Variants in CUL4A observed in about 807,000 individuals in gnomAD.
CUL4A encodes cullin-4A.
A neutral mutation model predicts 95.5 loss-of-function variants in CUL4A; 16 were observed. The observed-to-expected ratio is 0.17, with a 90% confidence interval of 0.11 to 0.25. The LOEUF is 0.25. Among genes scored for constraint, CUL4A ranks in the 10% least tolerant of loss-of-function variants. The pLI is 1.00. For missense variants in CUL4A, 610 were observed against 937.0 expected, an observed-to-expected ratio of 0.65 and a Z score of 4.56; for synonymous variants, 380 against 353.1, an observed-to-expected ratio of 1.08 and a Z score of -0.85.
In CUL4A at chr13:113,263,583, C is replaced by G; in HGVS notation, c.*1C>G. 6.4e-7 allele frequency: 1 copy of G among 1,569,906 alleles called. No individual in the cohort carries two copies. Among genetic ancestry groups the G allele is most frequent in the East Asian group, 2.4e-5 (1 of 42,350 alleles). The stretch of plus-strand genomic sequence containing the variant: ...GAATCAGTACCACTACGTGGCCTGA[C>G]GCATCTGCAGACGGTTCCCCTTCAT... On this transcript the variant is annotated 3_prime_UTR_variant, in exon 20 of 20. Coordinates refer to ENST00000375440, the MANE Select transcript of CUL4A (RefSeq NM_001008895.4).
At chr13:113,214,104 C>T (rs1015317745) in intron 2 of CUL4A, among the ~76,000 whole-genome samples, 14 of 152,204 alleles carry the variant, frequency 9.2e-5, no homozygotes, top group Admixed American at 9.2e-4. Context: ...CCAATTCTCA[C>T]CCAAGTTTGA....
At position 113,242,959 on chromosome 13, in the gene CUL4A, C is replaced by T. The variant is rs762807212; in HGVS notation, c.1036-9C>T. On this transcript the variant is annotated splice_polypyrimidine_tract_variant and intron_variant, in intron 10 of 19. Transcript: ENST00000375440. Reference sequence around the variant, plus strand: ...ATGTTGCTGAGTTGGTATTGATTTGCTTTTGTAGACTTTTGGAACAGCGAT... The same window carrying T: ...ATGTTGCTGAGTTGGTATTGATTTGTTTTTGTAGACTTTTGGAACAGCGAT... 6.3e-7 allele frequency: 1 copy of T among 1,595,972 alleles called. No individual in the cohort carries two copies. Among genetic ancestry groups the T allele is most frequent in the East Asian group, 2.3e-5 (1 of 44,442 alleles).
intron 19 of CUL4A, among the ~76,000 whole-genome samples, 177 bp downstream of exon 19, chr13:113,260,936 G>A (rs1203718039): frequency 2.0e-5 from 3 of 152,120 alleles, no homozygotes; most frequent in Non-Finnish European, 2.9e-5. Flanking sequence ...GTTGCTCATT[G>A]CCACTGCAGA....
At position 113,260,203 on chromosome 13, in the gene CUL4A, C is replaced by CA. The variant is rs71101559; in HGVS notation, c.2032-388dup. Among the ~76,000 whole-genome samples, 158 of 12,526 alleles carry CA rather than the reference C, an allele frequency of 0.013. 51 individuals carry two copies. The East Asian group carries it at 0.23, about 18-fold the overall frequency. The allele number at this position is 12,526 out of a possible 152,430, so 8.2% of individuals were successfully genotyped here. A position where few individuals can be genotyped will look rare whatever the true frequency, so the allele number is the denominator to read the frequency against. On this transcript the variant is annotated intron_variant, in intron 18 of 19. Coordinates refer to ENST00000375440, the MANE Select transcript of CUL4A (RefSeq NM_001008895.4). ...TGGGTGACAGAGTGAGACTCCGTCT[C>CA]AAAAAAAAAAAAAAAACCATTTCCC...
intron 2 of CUL4A, among the ~76,000 whole-genome samples, chr13:113,216,418 A>G (rs1322449862): frequency 6.6e-6 from 1 of 152,228 alleles, no homozygotes; most frequent in South Asian, 2.1e-4. Flanking sequence ...TGAACCTGCT[A>G]GTTAGGAAGT....
intron 15 of CUL4A, among the ~76,000 whole-genome samples, chr13:113,249,819 G>A (rs554535028): frequency 6.4e-4 from 97 of 152,250 alleles, no homozygotes; most frequent in African/African-American, 2.3e-3. Flanking sequence ...TCATCTTGCC[G>A]TGATTTGCAT....
In CUL4A at chr13:113,265,005, T is replaced by C. The variant is rs2042374055; in HGVS notation, c.*1423T>C. ...AGATTGTTAATATTGTAATTTAATGTAGACTTACTTTGAATAAAATTAGTT... is the reference window on the plus strand; with the variant it reads ...AGATTGTTAATATTGTAATTTAATGCAGACTTACTTTGAATAAAATTAGTT... On this transcript the variant is annotated 3_prime_UTR_variant, in exon 20 of 20. Transcript: ENST00000375440. 1 of 152,262 alleles carries C rather than the reference T, an allele frequency of 6.6e-6. No homozygotes were observed. The highest frequency in any genetic ancestry group is 2.4e-5 in the African/African-American group (1 of 41,480). The allele number at this position is 152,262 out of a possible 1,614,324, so 9.4% of individuals were successfully genotyped here.
intron 3 of CUL4A, among the ~76,000 whole-genome samples, chr13:113,224,231 T>C (rs1439247155): frequency 1.3e-5 from 2 of 152,032 alleles, no homozygotes; most frequent in African/African-American, 4.8e-5. Flanking sequence ...CGGGCACCTG[T>C]AGTCCCAGCT....
chr13:113,225,042 T>TC (rs2041050540), intron 3 of CUL4A, among the ~76,000 whole-genome samples: 2 of 152,220 alleles, frequency 1.3e-5, no homozygotes, highest in Admixed American at 6.5e-5. Flanking sequence ...TTTTTCTTTT[T>TC]TTTTTTAGTT....
At chr13:113,228,099 C>A in intron 4 of CUL4A, 54 bp downstream of exon 4, 1 of 1,315,246 alleles carries the variant, frequency 7.6e-7, no homozygotes, top group Non-Finnish European at 1.1e-6. Flanking sequence ...TTCCCTCACC[C>A]ACATGATTGA....
chr13:113,212,953 T>G (rs1373536145), intron 2 of CUL4A, among the ~76,000 whole-genome samples: 2 of 152,224 alleles, frequency 1.3e-5, no homozygotes, highest in African/African-American at 4.8e-5. Context: ...TTCATACATT[T>G]GCACAGGTTT....
At chr13:113,239,928 C>T (rs1390060907) in intron 10 of CUL4A, among the ~76,000 whole-genome samples, 3 of 152,194 alleles carry the variant, frequency 2.0e-5, no homozygotes, top group East Asian at 3.8e-4. Context: ...TCAGGGAGAA[C>T]TATTATATAT....
At position 113,233,216 on chromosome 13, in the gene CUL4A, T is replaced by G. The variant is rs774717751; in HGVS notation, c.552T>G (p.Ser184Arg). ...GLELFRTHII[S>R]DKMVQSKTID... ...AACTGTTTAGAACCCATATTATTAGTGATAAAATGGTTCAGAGTAAAACCA... is the reference window on the plus strand; with the variant it reads ...AACTGTTTAGAACCCATATTATTAGGGATAAAATGGTTCAGAGTAAAACCA... Residue 184 changes from serine (S) to arginine (R), a missense_variant, in exon 6 of 20, where the codon AGT becomes AGG. Physicochemically the swap from Ser to Arg is moderately radical, Grantham distance 110 (BLOSUM62 -1). This residue lies in a region of CUL4A where 97 missense variants were observed against 100.3 expected (regional missense o/e 0.97). Coordinates refer to ENST00000375440, the MANE Select transcript of CUL4A (RefSeq NM_001008895.4). The G allele has an allele frequency of 1.1e-4, 177 of 1,613,970 alleles. No individual in the cohort carries two copies. The highest frequency in any genetic ancestry group is 1.4e-4 in the Non-Finnish European group (171 of 1,179,970).
intron 2 of CUL4A, among the ~76,000 whole-genome samples, chr13:113,217,698 A>G (rs2040745983): frequency 6.6e-6 from 1 of 152,222 alleles, no homozygotes. Context: ...TATCCTAATT[A>G]AATTCAGATT....
At chr13:113,211,313 G>A (rs2040433654) in intron 2 of CUL4A, among the ~76,000 whole-genome samples, 1 of 152,242 alleles carries the variant, frequency 6.6e-6, no homozygotes, top group African/African-American at 2.4e-5. Flanking sequence ...TTACCTAGTA[G>A]AATGGGTATA....
chr13:113,245,982 C>T lies in CUL4A; in HGVS notation c.1557C>T (p.Gly519=), dbSNP rs2041846872. 1.2e-6 allele frequency: 2 copies of T among 1,613,718 alleles called. No homozygotes were observed. Among genetic ancestry groups the T allele is most frequent in the Non-Finnish European group, 8.5e-7 (1 of 1,179,778 alleles). The change falls in exon 15 of 20, where the codon GGC becomes GGT. Residue 519 remains glycine (G), a synonymous_variant. Coordinates refer to ENST00000375440, the MANE Select transcript of CUL4A (RefSeq NM_001008895.4). The stretch of plus-strand genomic sequence containing the variant: ...ATATGCAGAATCAGAGTGACTCAGG[C>T]CCTATAGACCTCACAGTGAACATAC... ...KQHMQNQSDS[G]PIDLTVNILT...
intron 18 of CUL4A, among the ~76,000 whole-genome samples, chr13:113,256,924 TC>T (rs1269054314): frequency 3.6e-4 from 39 of 108,200 alleles, no homozygotes; most frequent in East Asian, 1.0e-3. Context: ...TTTTTTTTTT[TC>T]GTTTTTTTTT....
chr13:113,263,403 T>C, intron 19 of CUL4A, 84 bp from the exon 20 acceptor site: 1 of 558,742 alleles, frequency 1.8e-6, no homozygotes, highest in Non-Finnish European at 3.1e-6. Context: ...TATAGTTACA[T>C]ACTTCATGCA....
rs1214798576 is a variant in CUL4A, at chr13:113,264,794, A to G, written c.*1212A>G. Reference sequence around the variant, plus strand: ...TAATTTGATTTTGTGCTAAATTATTAAGAGTCTCTTTTTGAAACATGCGGG... The same window carrying G: ...TAATTTGATTTTGTGCTAAATTATTGAGAGTCTCTTTTTGAAACATGCGGG... On this transcript the variant is annotated 3_prime_UTR_variant, in exon 20 of 20. Coordinates refer to ENST00000375440, the MANE Select transcript of CUL4A (RefSeq NM_001008895.4). The G allele has an allele frequency of 6.5e-6, 1 of 152,672 alleles. No individual in the cohort carries two copies. Among genetic ancestry groups the G allele is most frequent in the Admixed American group, 6.5e-5 (1 of 15,282 alleles). The allele number at this position is 152,672 out of a possible 1,614,324, so 9.5% of individuals were successfully genotyped here. A position where few individuals can be genotyped will look rare whatever the true frequency, so the allele number is the denominator to read the frequency against.
Sources: allele counts gnomAD v4.1 joint callset (sites outside exome capture counted in the v4.1 genomes callset), GRCh38; gene constraint gnomAD v4.1.1; regional missense constraint gnomAD v4.1.1; transcripts MANE v1.5; gene names NCBI Gene and HGNC (gene_info 2026-07-23, HGNC 2026-07-21).